Variants in LBHD1 observed in about 807,000 individuals in gnomAD.
LBHD1 encodes the protein LBH domain-containing protein 1.
In LBHD1, 28 loss-of-function variants were observed where a neutral mutation model predicts 31.1. The observed-to-expected ratio is 0.90, with a 90% CI of 0.67 to 1.24. The LOEUF is 1.24. Among genes scored for constraint, LBHD1 ranks in the 50% most tolerant of loss-of-function variants. The probability of loss-of-function intolerance (pLI) is 0.00; values close to 1 mark genes in which losing one functional copy is unlikely to be tolerated. For synonymous variants in LBHD1, 105 were observed against 116.5 expected (o/e 0.90, Z 0.63); for missense variants, 350 against 323.0 (o/e 1.08, Z -0.64).
intron 4 of LBHD1, chr11:62,665,236 C>A: frequency 1.3e-6 from 1 of 770,876 alleles, no homozygotes; most frequent in Admixed American, 2.1e-5. Flanking sequence ...GGGCTCCGCC[C>A]CGGCCTTCCG....
In LBHD1 at chr11:62,666,840, G is replaced by C. The variant is rs753195000; in HGVS notation, c.538+683C>G. The C allele has an allele frequency of 1.9e-6, 3 of 1,614,158 alleles. No individual in the cohort carries two copies. Among genetic ancestry groups the C allele is most frequent in the Admixed American group, 3.3e-5 (2 of 60,006 alleles). ...AAAGGCACATGGGATGCTGTTGCCC[G>C]GGGAGGTCTGCCTAGGGCTTACCAG... On this transcript the variant is annotated intron_variant, in intron 4 of 6. Transcript: ENST00000354588.
Position 62,662,992 on chromosome 11 carries a change from G to A in LBHD1, c.*137C>T, listed in dbSNP as rs1025104336. 14 of 1,372,618 alleles carry A rather than the reference G, an allele frequency of 1.0e-5. No individual in the cohort carries two copies. The highest frequency in any genetic ancestry group is 1.4e-5 in the Non-Finnish European group (14 of 988,230). 85.0% of individuals were successfully genotyped at this position (1,372,618 alleles called of 1,614,324 possible). A position where few individuals can be genotyped will look rare whatever the true frequency, so the allele number is the denominator to read the frequency against. On this transcript the variant is annotated 3_prime_UTR_variant, in exon 7 of 7. Coordinates refer to ENST00000354588, the MANE Select transcript of LBHD1 (RefSeq NM_024099.5). ...GGCCTTGCTTTTGTCAAAGTCCTCT[G>A]AAACAACCACTGAGTCTGAAGGCTG...
intron 5 of LBHD1, among the ~76,000 whole-genome samples, 184 bp downstream of exon 5, chr11:62,664,665 G>A (rs1050585587): frequency 2.0e-5 from 3 of 152,080 alleles, no homozygotes; most frequent in Non-Finnish European, 4.4e-5. Flanking sequence ...AAAACCCAAA[G>A]AAAGGTTGTC....
Position 62,665,211 on chromosome 11 carries a change from A to T in LBHD1, c.539-238T>A, listed in dbSNP as rs1455473959. The T allele has an allele frequency of 3.2e-5, 25 of 792,786 alleles. No individual in the cohort carries two copies. In the East Asian group the frequency reaches 6.4e-4, roughly 20 times the overall value. The allele number at this position is 792,786 out of a possible 1,614,324, so 49.1% of individuals were successfully genotyped here. A position where few individuals can be genotyped will look rare whatever the true frequency, so the allele number is the denominator to read the frequency against. ...CAGTTCACGGTCCGTACTTCCGCTC[A>T]GCGCCGGATCCGCGGGGCTCCGCCC... On this transcript the variant is annotated intron_variant, in intron 4 of 6. Transcript: ENST00000354588.
At chr11:62,667,072 C>T (rs1944840368) in intron 4 of LBHD1, 6 of 1,547,312 alleles carry the variant, frequency 3.9e-6, no homozygotes, top group Admixed American at 4.1e-5. Flanking sequence ...GTAGTCCTGA[C>T]CCTAGTATTT....
At chr11:62,665,443 C>G in intron 4 of LBHD1, 1 of 1,552,268 alleles carries the variant, frequency 6.4e-7, no homozygotes, top group Non-Finnish European at 8.7e-7. Context: ...TGGCGGGGAT[C>G]GGGCTTGTGG....
chr11:62,665,351 G>T, intron 4 of LBHD1: 1 of 833,502 alleles, frequency 1.2e-6, no homozygotes, highest in Non-Finnish European at 1.9e-6. Flanking sequence ...GGTTTTAGCT[G>T]TAGTAGCCAG....
At chr11:62,665,109 G>A (rs900113479) in intron 4 of LBHD1, 136 bp from the exon 5 acceptor site, 1 of 1,327,586 alleles carries the variant, frequency 7.5e-7, no homozygotes, top group African/African-American at 1.5e-5. Flanking sequence ...AGGAAACAAA[G>A]TCGCGGCCCC....
At chr11:62,671,055 C>A (rs903300615) in intron 1 of LBHD1, 8 of 296,624 alleles carry the variant, frequency 2.7e-5, no homozygotes, top group African/African-American at 8.8e-5. Flanking sequence ...GCCATGATCG[C>A]GCCACTGCAC....
At position 62,671,935 on chromosome 11, in the gene LBHD1, TCC is replaced by T. The variant is rs778495349; in HGVS notation, c.-384_-383del. 5.0e-6 allele frequency: 8 copies of T among 1,613,248 alleles called. No homozygotes were observed. Among genetic ancestry groups the T allele is most frequent in the Non-Finnish European group, 5.9e-6 (7 of 1,179,464 alleles). Reference sequence around the variant, plus strand: ...GCCCCGGACTGGAGCTCCTGCGAACTCCCCTTCCTGCCCTCAGGAGATGCCAC... The same window carrying T: ...GCCCCGGACTGGAGCTCCTGCGAACTCCTTCCTGCCCTCAGGAGATGCCAC... On this transcript the variant is annotated 5_prime_UTR_variant, in exon 1 of 7. Transcript: ENST00000354588.
chr11:62,669,380 G>C lies in LBHD1; in HGVS notation c.313+261C>G, dbSNP rs530307085. 3.5e-5 allele frequency: 34 copies of C among 980,982 alleles called. No homozygotes were observed. In the African/African-American group the frequency reaches 5.5e-4, roughly 16 times the overall value. 60.8% of individuals were successfully genotyped at this position (980,982 alleles called of 1,614,324 possible). ...CCACTGCACTCCAGTCTGGGTGACA[G>C]AGCGAGACTCAGTCTCAAAAAAAAA... On this transcript the variant is annotated intron_variant, in intron 3 of 6. Coordinates refer to ENST00000354588, the MANE Select transcript of LBHD1 (RefSeq NM_024099.5).
Position 62,672,131 on chromosome 11 carries a change from G to C in LBHD1, c.-578C>G. On this transcript the variant is annotated 5_prime_UTR_variant, in exon 1 of 7. Coordinates refer to ENST00000354588, the MANE Select transcript of LBHD1 (RefSeq NM_024099.5). ...TCACCGTGAGACCGGACTTGCCTCC[G>C]TGGGCGCCGGACCTTGGCTTGGGCG... 1 of 1,555,532 alleles carries C rather than the reference G, an allele frequency of 6.4e-7. No homozygotes were observed. The highest frequency in any genetic ancestry group is 8.7e-7 in the Non-Finnish European group (1 of 1,151,956).
intron 6 of LBHD1, 29 bp from the exon 7 acceptor site, chr11:62,663,188 C>T (rs1944699207): frequency 1.2e-6 from 2 of 1,613,640 alleles, no homozygotes; most frequent in Non-Finnish European, 1.7e-6. Flanking sequence ...GAAGTATTAT[C>T]CCAAATAAAT....
Position 62,667,645 on chromosome 11 carries a change from A to G in LBHD1, c.416T>C (p.Leu139Pro). The G allele has an allele frequency of 6.2e-7, 1 of 1,614,212 alleles. No homozygotes were observed. The highest frequency in any genetic ancestry group is 8.5e-7 in the Non-Finnish European group (1 of 1,180,040). Residue 139 changes from leucine to proline, a missense_variant, in exon 4 of 7, where the codon CTT becomes CCT. By Grantham distance (98) the Leu-to-Pro change is moderately conservative. Transcript: ENST00000354588. The stretch of plus-strand genomic sequence containing the variant: ...GGCTTCCAGACATGCTGTGTCCTCA[A>G]GAATCCAACAAGCATCTTCTTCATC... Reference protein sequence around the residue: ...DQDEEDACWILEDTACLEATN... With the variant: ...DQDEEDACWIPEDTACLEATN...
intron 4 of LBHD1, 36 bp from the exon 5 acceptor site, chr11:62,665,009 G>A (rs760051755): frequency 6.2e-7 from 1 of 1,603,588 alleles, no homozygotes; most frequent in South Asian, 1.1e-5. Context: ...GATGGAGTGG[G>A]CTCGCCGCGA....
At chr11:62,666,773 G>A (rs1296345272) in intron 4 of LBHD1, 2 of 1,614,042 alleles carry the variant, frequency 1.2e-6, no homozygotes, top group Non-Finnish European at 8.5e-7. Context: ...TCAGAACCTG[G>A]GGGCTGTGGC....
At chr11:62,665,935 G>T (rs768372431) in intron 4 of LBHD1, 5 of 1,612,068 alleles carry the variant, frequency 3.1e-6, no homozygotes, top group African/African-American at 1.3e-5. Context: ...GGGACGTGCC[G>T]CCCCTTTGCG....
intron 1 of LBHD1, chr11:62,671,156 A>G (rs974176625): frequency 5.4e-6 from 2 of 370,730 alleles, no homozygotes; most frequent in Admixed American, 3.5e-5. Context: ...CCAAAAAAAA[A>G]CCCAAACAAT....
intron 1 of LBHD1, chr11:62,670,903 CTG>C (rs1337904384): frequency 5.3e-6 from 1 of 188,422 alleles, no homozygotes; most frequent in Non-Finnish European, 1.1e-5. Context: ...GAGTGAGACT[CTG>C]TCTCAAAAAG....
Sources: allele counts gnomAD v4.1 joint callset (sites outside exome capture counted in the v4.1 genomes callset), GRCh38; gene constraint gnomAD v4.1.1; transcripts MANE v1.5; gene names NCBI Gene and HGNC (gene_info 2026-07-23, HGNC 2026-07-21).